Variants in DHDDS observed in about 807,000 individuals in gnomAD.
The protein encoded by DHDDS is dehydrodolichyl diphosphate synthase subunit.
A neutral mutation model predicts 46.2 loss-of-function variants in DHDDS; 16 were observed. That is an observed-to-expected ratio of 0.35 (90% CI 0.23 to 0.53). The LOEUF is 0.53. Ranked by LOEUF, DHDDS falls within the 20% of genes least tolerant of loss-of-function variation. DHDDS has a pLI of 0.94. For synonymous variants in DHDDS, 151 were observed against 163.1 expected (o/e 0.93, Z 0.56); for missense variants, 340 against 423.7 (o/e 0.80, Z 1.73).
intron 8 of DHDDS, among the ~76,000 whole-genome samples, chr1:26,468,121 C>T (rs1363343884): frequency 1.3e-5 from 2 of 152,202 alleles, no homozygotes; most frequent in Admixed American, 1.3e-4. Flanking sequence ...CTTCCAAGGG[C>T]TTATTTTCTA....
chr1:26,440,034 G>C (rs1009513736), intron 3 of DHDDS, among the ~76,000 whole-genome samples: 1 of 151,076 alleles, frequency 6.6e-6, no homozygotes, highest in African/African-American at 2.5e-5. Flanking sequence ...CAGCTACTCG[G>C]GAGGCTGAGG....
intron 3 of DHDDS, among the ~76,000 whole-genome samples, chr1:26,440,813 G>T (rs1458656050): frequency 6.6e-6 from 1 of 152,084 alleles, no homozygotes; most frequent in African/African-American, 2.4e-5. Context: ...GTCTTCTGTT[G>T]TCTACGTTTA....
intron 7 of DHDDS, 104 bp from the exon 8 acceptor site, chr1:26,459,932 TG>T: frequency 1.1e-6 from 1 of 898,018 alleles, no homozygotes; most frequent in East Asian, 2.4e-5. Context: ...TTGTCATCTC[TG>T]GGCTTCTGGG....
intron 4 of DHDDS, among the ~76,000 whole-genome samples, chr1:26,444,023 C>T (rs1279179993): frequency 6.6e-6 from 1 of 152,188 alleles, no homozygotes; most frequent in Non-Finnish European, 1.5e-5. Context: ...CAGGCAGAGC[C>T]AAGGTGCACA....
intron 5 of DHDDS, among the ~76,000 whole-genome samples, chr1:26,447,341 A>G (rs908265617): frequency 7.2e-5 from 11 of 152,154 alleles, no homozygotes; most frequent in Non-Finnish European, 1.5e-5. Flanking sequence ...GGAGCCATTT[A>G]GTATTTGTCT....
chr1:26,450,077 G>A (rs1414165466), intron 6 of DHDDS, among the ~76,000 whole-genome samples: 3 of 152,164 alleles, frequency 2.0e-5, no homozygotes, highest in Admixed American at 6.5e-5. Flanking sequence ...TATCTCTGTC[G>A]CCAGTATGGA....
At chr1:26,447,362 C>T (rs766480452) in intron 5 of DHDDS, among the ~76,000 whole-genome samples, 197 bp from the exon 6 acceptor site, 6 of 152,102 alleles carry the variant, frequency 3.9e-5, no homozygotes, top group African/African-American at 1.2e-4. Flanking sequence ...TATTATAAAA[C>T]TAGTTACATG....
intron 7 of DHDDS, among the ~76,000 whole-genome samples, chr1:26,458,364 A>C (rs948780146): frequency 6.6e-6 from 1 of 152,234 alleles, no homozygotes; most frequent in African/African-American, 2.4e-5. Flanking sequence ...AACTAGGGGA[A>C]GTCCTTGTTC....
At chr1:26,450,771 G>A (rs1034654823) in intron 6 of DHDDS, among the ~76,000 whole-genome samples, 6 of 152,140 alleles carry the variant, frequency 3.9e-5, no homozygotes, top group African/African-American at 1.4e-4. Context: ...GCAGGAAGAT[G>A]AGACAGAAAA....
chr1:26,458,611 G>A (rs2075393101), intron 7 of DHDDS, among the ~76,000 whole-genome samples: 1 of 151,952 alleles, frequency 6.6e-6, no homozygotes, highest in Non-Finnish European at 1.5e-5. Context: ...GGTGGCAGGT[G>A]CCTGTAGTCC....
At chr1:26,448,115 G>A (rs1279823735) in intron 6 of DHDDS, 1 of 233,338 alleles carries the variant, frequency 4.3e-6, no homozygotes, top group East Asian at 9.0e-5. Flanking sequence ...GACTTTTCAT[G>A]AATGCAGTTT....
intron 6 of DHDDS, among the ~76,000 whole-genome samples, chr1:26,453,976 T>C (rs1051131556): frequency 2.0e-5 from 3 of 151,872 alleles, no homozygotes; most frequent in Non-Finnish European, 2.9e-5. Context: ...GTTTTTGAGA[T>C]GGAGTCTTGC....
intron 2 of DHDDS, among the ~76,000 whole-genome samples, chr1:26,436,150 C>T (rs946644508): frequency 6.6e-6 from 1 of 151,928 alleles, no homozygotes; most frequent in Non-Finnish European, 1.5e-5. Context: ...GTAATCCCAG[C>T]ACTTTGGGAG....
intron 8 of DHDDS, chr1:26,467,280 A>C (rs892103303): frequency 1.9e-5 from 9 of 468,306 alleles, no homozygotes; most frequent in Non-Finnish European, 3.5e-5. Context: ...CTCAAAAAAA[A>C]TCCTGTATGT....
chr1:26,443,377 GT>G (rs1340766436), intron 4 of DHDDS, among the ~76,000 whole-genome samples: 2 of 152,146 alleles, frequency 1.3e-5, no homozygotes, highest in Non-Finnish European at 2.9e-5. Context: ...ACCCTAAAAA[GT>G]TACTGTACTC....
intron 5 of DHDDS, 67 bp downstream of exon 5, chr1:26,446,499 C>A: frequency 6.8e-7 from 1 of 1,474,078 alleles, no homozygotes; most frequent in Non-Finnish European, 9.5e-7. Flanking sequence ...TTTAGGGAGA[C>A]GTCCTGGGCT....
intron 1 of DHDDS, 74 bp from the exon 2 acceptor site, chr1:26,432,817 C>A: frequency 1.1e-6 from 1 of 890,354 alleles, no homozygotes; most frequent in Non-Finnish European, 1.9e-6. Flanking sequence ...CATAGTCCAT[C>A]TGATTCCCCA....
intron 4 of DHDDS, 22 bp downstream of exon 4, chr1:26,442,895 G>A: frequency 6.2e-7 from 1 of 1,613,750 alleles, no homozygotes; most frequent in Non-Finnish European, 8.5e-7. Context: ...TCAGAGGGGA[G>A]AGCATGTTCT....
At chr1:26,441,232 T>C (rs1281908923) in intron 3 of DHDDS, among the ~76,000 whole-genome samples, 1 of 151,760 alleles carries the variant, frequency 6.6e-6, no homozygotes, top group Non-Finnish European at 1.5e-5. Flanking sequence ...CTGTTTTTTT[T>C]TGAGTTGAAG....
Sources: gnomAD v4.1 joint callset for allele counts (sites outside exome capture counted in the v4.1 genomes callset) on GRCh38, gnomAD v4.1.1 for gene constraint, MANE v1.5 for transcripts, NCBI Gene and HGNC (gene_info 2026-07-23, HGNC 2026-07-21) for gene names.